SGCD: variants seen among roughly 807,000 people sequenced by gnomAD.
The protein encoded by SGCD is delta-sarcoglycan.
SGCD carries 18 observed loss-of-function variants against 36.6 expected under a neutral mutation model. The observed-to-expected ratio is 0.49, with a 90% CI of 0.34 to 0.73. The LOEUF (loss-of-function observed/expected upper bound fraction) is 0.73. Ranked by LOEUF, SGCD falls within the 30% of genes least tolerant of loss-of-function variation. The pLI is 0.01. For synonymous variants in SGCD, 133 were observed against 130.6 expected, an observed-to-expected ratio of 1.02 and a Z score of -0.12; for missense variants, 387 against 346.7, an observed-to-expected ratio of 1.12 and a Z score of -0.92.
intron 3 of SGCD, among the ~76,000 whole-genome samples, chr5:156,278,442 C>T (rs1175731088): frequency 6.6e-6 from 1 of 152,124 alleles, no homozygotes; most frequent in African/African-American, 2.4e-5. Context: ...ACAAGAGATG[C>T]TGATGACTCA....
At chr5:156,104,971 G>A (rs948199751) in intron 1 of SGCD, among the ~76,000 whole-genome samples, 1 of 152,076 alleles carries the variant, frequency 6.6e-6, no homozygotes, top group Non-Finnish European at 1.5e-5. Context: ...CACAGGAAGG[G>A]GAACATCACA....
chr5:155,999,335 G>A (rs1299139237), intron 1 of SGCD, among the ~76,000 whole-genome samples: 1 of 152,172 alleles, frequency 6.6e-6, no homozygotes, highest in East Asian at 1.9e-4. Context: ...AATGCCACAC[G>A]GATGGGTTTG....
chr5:155,835,002 A>ATTT, the SGCD span, among the ~76,000 whole-genome samples: 27,383 of 59,748 alleles, frequency 0.46, 8,242 homozygotes, highest in Admixed American at 0.64. Context: ...TGCCCAGCTA[A>ATTT]TTTTTTTTTT....
At chr5:155,969,214 A>G (rs1009122876) in intron 1 of SGCD, among the ~76,000 whole-genome samples, 4 of 152,132 alleles carry the variant, frequency 2.6e-5, no homozygotes, top group African/African-American at 4.8e-5. Flanking sequence ...GAACTTGTGG[A>G]CTGGTCATAC....
chr5:155,947,302 T>A (rs1488120125), intron 1 of SGCD, among the ~76,000 whole-genome samples: 1 of 29,354 alleles, frequency 3.4e-5, no homozygotes, highest in Non-Finnish European at 6.6e-5. Context: ...CTTGTGTGTG[T>A]GTGTGTGTGT....
At chr5:156,228,887 A>C (rs879487859) in intron 3 of SGCD, among the ~76,000 whole-genome samples, 4 of 152,086 alleles carry the variant, frequency 2.6e-5, no homozygotes, top group Non-Finnish European at 4.4e-5. Flanking sequence ...TGAAGGACGC[A>C]AAGTATCAAT....
chr5:155,881,241 T>G (rs1337977925), intron 1 of SGCD, among the ~76,000 whole-genome samples: 2 of 151,322 alleles, frequency 1.3e-5, no homozygotes, highest in Non-Finnish European at 2.9e-5. Flanking sequence ...GAAAACCACT[T>G]ACAGGCATAG....
At chr5:156,287,627 T>TTGTGTGTGTGTG (rs70982002) in intron 3 of SGCD, among the ~76,000 whole-genome samples, 119 of 146,384 alleles carry the variant, frequency 8.1e-4, no homozygotes, top group African/African-American at 2.6e-3. Context: ...TTCCGTTTCT[T>TTGTGTGTGTGTG]TGTGTGTGTG....
At chr5:155,906,057 A>C (rs1756504656) in intron 1 of SGCD, among the ~76,000 whole-genome samples, 1 of 152,168 alleles carries the variant, frequency 6.6e-6, no homozygotes, top group South Asian at 2.1e-4. Flanking sequence ...GCTGTGAGTC[A>C]CATTTTGGTA....
chr5:156,519,832 C>T (rs1031801630), intron 4 of SGCD, among the ~76,000 whole-genome samples: 7 of 152,178 alleles, frequency 4.6e-5, no homozygotes, highest in African/African-American at 1.7e-4. Context: ...CGTTAAAAAA[C>T]TCCCAATAAA....
At chr5:156,414,978 C>T (rs1411329142) in intron 3 of SGCD, among the ~76,000 whole-genome samples, 2 of 152,040 alleles carry the variant, frequency 1.3e-5, no homozygotes, top group South Asian at 2.1e-4. Context: ...TTATTATGCC[C>T]GCAGAGCAAT....
intron 3 of SGCD, among the ~76,000 whole-genome samples, chr5:156,371,002 T>TC (rs1770359838): frequency 6.6e-6 from 1 of 152,180 alleles, no homozygotes; most frequent in Admixed American, 6.5e-5. Flanking sequence ...GTGATGTTTT[T>TC]CTCCCCTTAT....
chr5:156,457,819 T>C (rs1285530750), intron 3 of SGCD, among the ~76,000 whole-genome samples: 4 of 152,182 alleles, frequency 2.6e-5, no homozygotes, highest in Non-Finnish European at 5.9e-5. Context: ...TGAGACTATT[T>C]AACTCCTCTA....
At chr5:156,481,033 A>C (rs1416266140) in intron 3 of SGCD, among the ~76,000 whole-genome samples, 1 of 152,208 alleles carries the variant, frequency 6.6e-6, no homozygotes, top group Non-Finnish European at 1.5e-5. Flanking sequence ...ATATTTCTGA[A>C]TTTCTCAGGG....
chr5:155,957,086 A>G (rs926950974), intron 1 of SGCD, among the ~76,000 whole-genome samples: 2 of 146,666 alleles, frequency 1.4e-5, no homozygotes, highest in Non-Finnish European at 3.0e-5. Context: ...GGTTTTGAAT[A>G]AGGTGCTCAA....
At position 156,509,207 on chromosome 5, in the gene SGCD, C is replaced by T. The variant is rs575433004; in HGVS notation, c.294+505C>T. 2.6e-3 allele frequency among the ~76,000 whole-genome samples: 393 copies of T among 152,122 alleles called. 1 individual carries two copies. The highest frequency in any genetic ancestry group is 4.4e-3 in the Non-Finnish European group (301 of 68,010). On this transcript the variant is annotated intron_variant, in intron 4 of 8. Transcript: ENST00000337851. ...TTGGGAGGCCAAGGTGGGCAGATCA[C>T]CTGAAGTAGGAGTTTGAGACCAGCC...
At chr5:156,220,031 C>T (rs536347472) in intron 3 of SGCD, among the ~76,000 whole-genome samples, 1 of 152,232 alleles carries the variant, frequency 6.6e-6, no homozygotes, top group South Asian at 2.1e-4. Flanking sequence ...TTGATGAATA[C>T]TGGAGGCAGG....
chr5:156,163,607 C>G (rs1263471350), intron 3 of SGCD, among the ~76,000 whole-genome samples: 2 of 151,570 alleles, frequency 1.3e-5, no homozygotes, highest in Non-Finnish European at 2.9e-5. Context: ...ATTCCACTGA[C>G]TCCTTATGCT....
intron 3 of SGCD, among the ~76,000 whole-genome samples, chr5:156,456,769 A>G (rs1196856608): frequency 6.6e-6 from 1 of 152,162 alleles, no homozygotes; most frequent in South Asian, 2.1e-4. Flanking sequence ...ATAAATTTCC[A>G]TTGTTTTAAG....
Sources: allele counts gnomAD v4.1 joint callset (sites outside exome capture counted in the v4.1 genomes callset), GRCh38; gene constraint gnomAD v4.1.1; transcripts MANE v1.5; gene names NCBI Gene and HGNC (gene_info 2026-07-23, HGNC 2026-07-21).